The following URB1 variants were observed in gnomAD, a reference collection of about 807,000 sequenced individuals.
URB1 encodes the protein nucleolar pre-ribosomal-associated protein 1.
A neutral mutation model predicts 242.3 loss-of-function variants in URB1; 197 were observed. The ratio of observed to expected loss-of-function variants is 0.81; its 90% confidence interval spans 0.72 to 0.91. The LOEUF (loss-of-function observed/expected upper bound fraction) is 0.91. Ranked by LOEUF, URB1 falls within the 40% of genes least tolerant of loss-of-function variation. The pLI is 0.00. For missense variants in URB1, 2,721 were observed against 2,860.5 expected (o/e 0.95, Z 1.11); for synonymous variants, 1,153 against 1,201.8 (o/e 0.96, Z 0.84).
At chr21:32,339,789 C>T (rs1399542001) in intron 25 of URB1, among the ~76,000 whole-genome samples, 1 of 152,178 alleles carries the variant, frequency 6.6e-6, no homozygotes, top group Admixed American at 6.5e-5. Context: ...CTGAGCCCAG[C>T]CCAGTGCATT....
At chr21:32,386,668 A>G (rs777691212) in intron 1 of URB1, among the ~76,000 whole-genome samples, 2 of 152,222 alleles carry the variant, frequency 1.3e-5, no homozygotes, top group Non-Finnish European at 2.9e-5. Context: ...TCAACTGTAG[A>G]ATGGGTATAA....
Position 32,321,859 on chromosome 21 carries a change from C to T in URB1, c.5426G>A (p.Gly1809Asp), listed in dbSNP as rs866144203. ...KQCYELCARRGIFHIILSFFH... is the reference protein window; with the variant it reads ...KQCYELCARRDIFHIILSFFH... ...GAAGGACAGGATGATGTGGAAGATG[C>T]CACGCCGGGCACACAGTTCGTAGCA... is the stretch of plus-strand genomic sequence containing the variant. The change falls in exon 34 of 39, where the codon GGC (glycine) becomes GAC (aspartate). Residue 1809 changes from glycine (G) to aspartate (D), a missense_variant. Transcript: ENST00000382751. 1 of 1,551,720 alleles carries T rather than the reference C, an allele frequency of 6.4e-7. No individual in the cohort carries two copies. The highest frequency in any genetic ancestry group is 1.2e-5 in the South Asian group (1 of 84,058).
At position 32,333,411 on chromosome 21, in the gene URB1, C is replaced by G; in HGVS notation, c.4866G>C (p.Gln1622His). The G allele has an allele frequency of 3.9e-6, 6 of 1,551,324 alleles. No individual in the cohort carries two copies. The highest frequency in any genetic ancestry group is 3.5e-6 in the Non-Finnish European group (4 of 1,146,770). Residue 1622 changes from glutamine (Q) to histidine (H), a missense_variant, in exon 30 of 39, where the codon CAG (glutamine) becomes CAC (histidine). Transcript: ENST00000382751. ...NRRLLPPEDT[Q>H]ELIFKDKSRV... ...TGCTTTTGTCTTTGAATATCAGCTC[C>G]TGTGTGTCCTGAAAGAGCCAAAATC...
intron 32 of URB1, among the ~76,000 whole-genome samples, chr21:32,323,009 G>C (rs997609000): frequency 1.3e-5 from 2 of 152,174 alleles, no homozygotes; most frequent in African/African-American, 4.8e-5. Flanking sequence ...AGACACTACT[G>C]AGTGCCTCTG....
At chr21:32,382,487 T>C (rs1447636441) in intron 4 of URB1, among the ~76,000 whole-genome samples, 1 of 152,140 alleles carries the variant, frequency 6.6e-6, no homozygotes, top group African/African-American at 2.4e-5. Flanking sequence ...CTTGGTATTA[T>C]CAACCCTTTA....
chr21:32,340,560 C>T (rs2033018466), intron 25 of URB1, among the ~76,000 whole-genome samples: 1 of 152,028 alleles, frequency 6.6e-6, no homozygotes, highest in African/African-American at 2.4e-5. Context: ...CTGCAGTAAG[C>T]CGAGATCACA....
intron 8 of URB1, among the ~76,000 whole-genome samples, chr21:32,370,033 C>A (rs764094809): frequency 3.3e-5 from 5 of 149,588 alleles, no homozygotes; most frequent in Non-Finnish European, 7.4e-5. Context: ...CTAAAACTTG[C>A]ATAAAGGGAG....
chr21:32,370,144 G>A (rs895405485), intron 8 of URB1, among the ~76,000 whole-genome samples: 1 of 152,010 alleles, frequency 6.6e-6, no homozygotes, highest in African/African-American at 2.4e-5. Flanking sequence ...GCTTGACCCT[G>A]TGAAGTCAAA....
intron 10 of URB1, 147 bp from the exon 11 acceptor site, chr21:32,363,476 G>A (rs1028259743): frequency 1.9e-5 from 18 of 960,406 alleles, no homozygotes; most frequent in Admixed American, 5.6e-5. Context: ...GAGAAGAGGC[G>A]ACCTGGGTAC....
rs112176394 is a variant in URB1, at chr21:32,336,913, T to C, written c.4685+181A>G. ...GGCCCTGCCCAGATGCCTTATGGCA[T>C]AAGGCCAAGCTTCCCCAGAGCACCC... On this transcript the variant is annotated intron_variant, in intron 28 of 38. Coordinates refer to ENST00000382751, the MANE Select transcript of URB1 (RefSeq NM_014825.3). Among the ~76,000 whole-genome samples, 189 of 152,270 alleles carry C rather than the reference T, an allele frequency of 1.2e-3. 1 individual carries two copies. Among genetic ancestry groups the C allele is most frequent in the Middle Eastern group, 6.8e-3 (2 of 294 alleles).
intron 19 of URB1, among the ~76,000 whole-genome samples, chr21:32,352,010 A>G (rs2033163845): frequency 1.3e-5 from 2 of 152,174 alleles, no homozygotes; most frequent in Non-Finnish European, 1.5e-5. Context: ...CACATAGTAC[A>G]CTTAGTACAG....
In URB1 at chr21:32,317,782, C is replaced by A. The variant is rs768215401; in HGVS notation, c.5928G>T (p.Lys1976Asn). The change falls in exon 37 of 39, where the codon AAG becomes AAT. Residue 1976 changes from lysine (K) to asparagine (N), a missense_variant. Lys to Asn is a moderately conservative substitution (Grantham distance 94). Coordinates refer to ENST00000382751, the MANE Select transcript of URB1 (RefSeq NM_014825.3). ...ACTTGTGCAAGAGGACAAGGACGTC[C>A]TTGGTGGAAAGCACTGTCTCATTTA... ...FTVNETVLSTKDVLVLLHKWS... is the reference protein window; with the variant it reads ...FTVNETVLSTNDVLVLLHKWS... 6.4e-7 allele frequency: 1 copy of A among 1,551,952 alleles called. No homozygotes were observed. Among genetic ancestry groups the A allele is most frequent in the Non-Finnish European group, 8.7e-7 (1 of 1,147,054 alleles).
intron 2 of URB1, among the ~76,000 whole-genome samples, chr21:32,384,763 C>T (rs969692815): frequency 6.6e-6 from 1 of 152,168 alleles, no homozygotes; most frequent in Non-Finnish European, 1.5e-5. Flanking sequence ...GGGCAGATCA[C>T]GAGGTCAGGA....
rs1375037033 is a variant in URB1, at chr21:32,333,214, T to C, written c.4960+103A>G. On this transcript the variant is annotated intron_variant, in intron 30 of 38. Coordinates refer to ENST00000382751, the MANE Select transcript of URB1 (RefSeq NM_014825.3). ...GATCCTTTAAGAATTATTTCCAAGA[T>C]TCAGGTCCTCATGTGGTAATTATGG... The C allele has an allele frequency of 2.6e-4, 244 of 932,000 alleles. 1 individual carries two copies. Among genetic ancestry groups the C allele is most frequent in the Middle Eastern group, 2.1e-4 (1 of 4,730 alleles). The allele number at this position is 932,000 out of a possible 1,614,324, so 57.7% of individuals were successfully genotyped here. A position where few individuals can be genotyped will look rare whatever the true frequency, so the allele number is the denominator to read the frequency against.
chr21:32,353,753 A>G (rs2033185494), intron 18 of URB1, among the ~76,000 whole-genome samples, 180 bp downstream of exon 18: 1 of 152,198 alleles, frequency 6.6e-6, no homozygotes, highest in South Asian at 2.1e-4. Context: ...AGCCAGCCCC[A>G]AGATCCCTCC....
chr21:32,351,776 G>A (rs569731613), intron 19 of URB1, among the ~76,000 whole-genome samples: 1 of 152,210 alleles, frequency 6.6e-6, no homozygotes, highest in Non-Finnish European at 1.5e-5. Context: ...CTCTAATACT[G>A]CCACATAAGT....
At position 32,324,089 on chromosome 21, in the gene URB1, C is replaced by G. The variant is rs1174462869; in HGVS notation, c.5233+402G>C. On this transcript the variant is annotated intron_variant, in intron 32 of 38. Transcript: ENST00000382751. The stretch of plus-strand genomic sequence containing the variant: ...GAAGTCCAGGACCGTCTGGCTGTGT[C>G]CACGCTTTCAGCCCCTGGGTTCCAA... Among the ~76,000 whole-genome samples, 4 of 152,194 alleles carry G rather than the reference C, an allele frequency of 2.6e-5. No individual in the cohort carries two copies. In the South Asian group the frequency reaches 8.3e-4, roughly 32 times the overall value.
chr21:32,332,182 G>A (rs942701953), intron 30 of URB1, among the ~76,000 whole-genome samples: 2 of 152,042 alleles, frequency 1.3e-5, no homozygotes, highest in Admixed American at 6.6e-5. Flanking sequence ...AACAGATCAC[G>A]GGCTTAAATT....
At chr21:32,355,125 C>T (rs903505062) in intron 16 of URB1, 128 bp from the exon 17 acceptor site, 3 of 1,251,902 alleles carry the variant, frequency 2.4e-6, no homozygotes, top group Non-Finnish European at 3.2e-6. Context: ...AATAGTTTTA[C>T]TATGAAATTG....
Sources: gnomAD v4.1 joint callset for allele counts (sites outside exome capture counted in the v4.1 genomes callset) on GRCh38, gnomAD v4.1.1 for gene constraint, MANE v1.5 for transcripts, NCBI Gene and HGNC (gene_info 2026-07-23, HGNC 2026-07-21) for gene names.